The following PIGK variants were observed in gnomAD, a reference collection of about 807,000 sequenced individuals.
PIGK encodes GPI-anchor transamidase.
In PIGK, 42 loss-of-function variants were observed where a neutral mutation model predicts 50.6. The ratio of observed to expected loss-of-function variants is 0.83; its 90% CI spans 0.65 to 1.07. PIGK has a LOEUF of 1.07. PIGK is among the 50% of genes least tolerant of loss of function. The pLI is 0.00. For synonymous variants in PIGK, 151 were observed against 156.0 expected, an observed-to-expected ratio of 0.97 and a Z score of 0.24; for missense variants, 448 against 488.7, an observed-to-expected ratio of 0.92 and a Z score of 0.78.
chr1:77,157,047 G>A (rs934047864), intron 8 of PIGK, among the ~76,000 whole-genome samples: 5 of 152,180 alleles, frequency 3.3e-5, no homozygotes, highest in Non-Finnish European at 7.4e-5. Flanking sequence ...AACAAGTAAT[G>A]TTTTATAAAT....
At chr1:77,191,248 A>G (rs1304923724) in intron 3 of PIGK, among the ~76,000 whole-genome samples, 1 of 152,216 alleles carries the variant, frequency 6.6e-6, no homozygotes, top group East Asian at 1.9e-4. Flanking sequence ...TTTTGCTAAA[A>G]TGTATAGGAC....
intron 10 of PIGK, among the ~76,000 whole-genome samples, chr1:77,119,996 T>C (rs895497283): frequency 2.6e-5 from 4 of 152,190 alleles, no homozygotes; most frequent in African/African-American, 7.2e-5. Context: ...AAATAGGATA[T>C]ATAAGACATA....
chr1:77,180,423 T>C (rs755541970), intron 3 of PIGK, among the ~76,000 whole-genome samples: 2 of 152,168 alleles, frequency 1.3e-5, no homozygotes, highest in Non-Finnish European at 2.9e-5. Context: ...CATCTACTTA[T>C]TTATAAGTCA....
At chr1:77,202,589 G>C (rs765581479) in intron 3 of PIGK, among the ~76,000 whole-genome samples, 7 of 152,144 alleles carry the variant, frequency 4.6e-5, no homozygotes, top group Non-Finnish European at 1.0e-4. Flanking sequence ...CAGGATAAGT[G>C]ATTTGAACTT....
At chr1:77,179,755 A>G (rs1294013866) in intron 3 of PIGK, among the ~76,000 whole-genome samples, 1 of 151,786 alleles carries the variant, frequency 6.6e-6, no homozygotes, top group East Asian at 1.9e-4. Context: ...TACACTATAA[A>G]CATAATTTGA....
intron 3 of PIGK, among the ~76,000 whole-genome samples, chr1:77,205,998 CTT>C (rs2100585724): frequency 6.6e-6 from 1 of 152,208 alleles, no homozygotes; most frequent in East Asian, 1.9e-4. Context: ...TGAACCTAGA[CTT>C]TACCAATATA....
At chr1:77,096,892 TTTTTTG>T (rs1365309287) in intron 10 of PIGK, among the ~76,000 whole-genome samples, 8 of 146,860 alleles carry the variant, frequency 5.4e-5, no homozygotes, top group Non-Finnish European at 9.0e-5. Flanking sequence ...TTTTTTTTTT[TTTTTTG>T]TTTTTTTGTT....
intron 10 of PIGK, among the ~76,000 whole-genome samples, chr1:77,094,628 G>T (rs1653368354): frequency 6.6e-6 from 1 of 152,142 alleles, no homozygotes; most frequent in African/African-American, 2.4e-5. Context: ...ACTCCCTGAG[G>T]TTGTAATTTT....
chr1:77,147,569 A>T (rs555291430), intron 9 of PIGK, among the ~76,000 whole-genome samples: 1 of 152,354 alleles, frequency 6.6e-6, no homozygotes, highest in East Asian at 1.9e-4. Context: ...AACCTGGAGG[A>T]TATCTTCCTA....
intron 9 of PIGK, among the ~76,000 whole-genome samples, chr1:77,137,764 C>T (rs764744609): frequency 2.0e-5 from 3 of 152,076 alleles, no homozygotes; most frequent in South Asian, 2.1e-4. Flanking sequence ...CCACCACACC[C>T]GGCTAATTTT....
At chr1:77,127,225 C>A (rs766896869) in intron 9 of PIGK, among the ~76,000 whole-genome samples, 1 of 152,146 alleles carries the variant, frequency 6.6e-6, no homozygotes, top group Non-Finnish European at 1.5e-5. Flanking sequence ...CTTTCTGTAT[C>A]CTTTTTCTCT....
At chr1:77,124,934 C>A (rs954517849) in intron 9 of PIGK, among the ~76,000 whole-genome samples, 2 of 152,108 alleles carry the variant, frequency 1.3e-5, no homozygotes, top group Non-Finnish European at 2.9e-5. Context: ...AATACAGTGA[C>A]CACTTGTGCA....
chr1:77,102,281 T>C (rs1419664585), intron 10 of PIGK, among the ~76,000 whole-genome samples: 1 of 152,222 alleles, frequency 6.6e-6, no homozygotes, highest in Non-Finnish European at 1.5e-5. Flanking sequence ...GATTCTATTA[T>C]ATTTCTAGAG....
chr1:77,124,871 G>A (rs1405929720), intron 9 of PIGK, among the ~76,000 whole-genome samples: 1 of 152,142 alleles, frequency 6.6e-6, no homozygotes, highest in African/African-American at 2.4e-5. Context: ...ATTCTTAAGT[G>A]CAAATGATGT....
chr1:77,159,620 A>G (rs1655092141), intron 8 of PIGK, among the ~76,000 whole-genome samples: 1 of 152,224 alleles, frequency 6.6e-6, no homozygotes, highest in Admixed American at 6.5e-5. Context: ...CACGTCTTTC[A>G]TATGTGACCT....
chr1:77,206,530 A>AT (rs5775376), intron 3 of PIGK, 110 bp downstream of exon 3: 122,993 of 579,170 alleles, frequency 0.21, 5,287 homozygotes, highest in East Asian at 0.32. Flanking sequence ...TTCAAATCAG[A>AT]TTTTTTTTTT....
intron 3 of PIGK, among the ~76,000 whole-genome samples, chr1:77,194,378 T>C (rs920995570): frequency 6.7e-6 from 1 of 149,858 alleles, no homozygotes; most frequent in Admixed American, 6.6e-5. Context: ...GGATATATAA[T>C]ATCAACCTAG....
At chr1:77,183,492 G>A (rs1045956669) in intron 3 of PIGK, among the ~76,000 whole-genome samples, 1 of 152,146 alleles carries the variant, frequency 6.6e-6, no homozygotes, top group African/African-American at 2.4e-5. Flanking sequence ...AACAAGTCCT[G>A]GCAGGCCCCT....
chr1:77,166,920 C>A, intron 4 of PIGK, 90 bp from the exon 5 acceptor site: 1 of 698,526 alleles, frequency 1.4e-6, no homozygotes, highest in South Asian at 1.7e-5. Flanking sequence ...GTTCATTGTT[C>A]TTTCTCCATA....
Sources: allele counts gnomAD v4.1 joint callset (sites outside exome capture counted in the v4.1 genomes callset), GRCh38; gene constraint gnomAD v4.1.1; transcripts MANE v1.5; gene names NCBI Gene and HGNC (gene_info 2026-07-23, HGNC 2026-07-21).